The following VIRMA variants were observed in gnomAD, a reference collection of about 807,000 sequenced individuals.
VIRMA encodes the protein vir like m6A methyltransferase associated, also known as protein virilizer homolog.
A neutral mutation model predicts 182.4 loss-of-function variants in VIRMA; 65 were observed. The ratio of observed to expected loss-of-function variants is 0.36; its 90% CI spans 0.29 to 0.44. VIRMA has a LOEUF of 0.44. VIRMA is among the 20% of genes least tolerant of loss of function. The pLI is 1.00. For missense variants in VIRMA, 1,752 were observed against 2,158.1 expected (o/e 0.81, Z 3.73); for synonymous variants, 709 against 743.1 (o/e 0.95, Z 0.75).
At chr8:94,529,623 TTTTA>T (rs147098843) in intron 6 of VIRMA, among the ~76,000 whole-genome samples, 22,470 of 151,652 alleles carry the variant, frequency 0.15, 2,054 homozygotes, top group South Asian at 0.3. Context: ...TTTTATTTTA[TTTTA>T]TTTATTATTT....
At chr8:94,548,734 C>A (rs1815868051) in intron 1 of VIRMA, among the ~76,000 whole-genome samples, 1 of 152,160 alleles carries the variant, frequency 6.6e-6, no homozygotes, top group South Asian at 2.1e-4. Context: ...AGCCTCACTG[C>A]AAGTCCCACC....
At chr8:94,543,979 G>C (rs201884102) in intron 1 of VIRMA, 37 bp from the exon 2 acceptor site, 205 of 1,032,636 alleles carry the variant, frequency 2.0e-4, no homozygotes, top group Non-Finnish European at 3.0e-4. Context: ...GAGGGGTTCG[G>C]AACATTATGT....
At chr8:94,511,951 C>T in intron 12 of VIRMA, 45 bp downstream of exon 12, 1 of 1,090,442 alleles carries the variant, frequency 9.2e-7, no homozygotes, top group Non-Finnish European at 1.3e-6. Context: ...GATATTTATT[C>T]TAGGCTTAAG....
At chr8:94,500,039 T>G (rs1586067602) in intron 16 of VIRMA, among the ~76,000 whole-genome samples, 2 of 109,490 alleles carry the variant, frequency 1.8e-5, no homozygotes, top group Non-Finnish European at 3.5e-5. Context: ...AAGGACAGAG[T>G]GAGGCTTCAT....
chr8:94,519,319 CT>C lies in VIRMA; in HGVS notation c.2178del (p.Ala727GlnfsTer5). On this transcript the variant is annotated frameshift_variant, in exon 9 of 24. Coordinates refer to ENST00000297591, the MANE Select transcript of VIRMA (RefSeq NM_015496.5). LOFTEE classifies it high-confidence loss of function. ...KGLLFFMSEY[E>X]ATNLLIRALC... ...AGAGCTCGGATCAATAAATTTGTTGCTTCATATTCCGACATAAAAAAAAGAA... is the reference window on the plus strand; with the variant it reads ...AGAGCTCGGATCAATAAATTTGTTGCTCATATTCCGACATAAAAAAAAGAA... 1 of 1,611,446 alleles carries C rather than the reference CT, an allele frequency of 6.2e-7. No individual in the cohort carries two copies. The highest frequency in any genetic ancestry group is 8.5e-7 in the Non-Finnish European group (1 of 1,179,360).
At chr8:94,535,049 T>A (rs756480006) in intron 4 of VIRMA, 42 bp from the exon 5 acceptor site, 1 of 1,546,472 alleles carries the variant, frequency 6.5e-7, no homozygotes, top group Non-Finnish European at 8.7e-7. Context: ...CAAAGTCATG[T>A]TTTAAAATGC....
At chr8:94,533,019 A>G (rs1815223567) in intron 5 of VIRMA, among the ~76,000 whole-genome samples, 1 of 152,152 alleles carries the variant, frequency 6.6e-6, no homozygotes, top group South Asian at 2.1e-4. Context: ...AAACACATGT[A>G]TATATATGTG....
At chr8:94,547,249 T>C in intron 1 of VIRMA, among the ~76,000 whole-genome samples, 1 of 151,240 alleles carries the variant, frequency 6.6e-6, no homozygotes, top group South Asian at 2.1e-4. Flanking sequence ...TTAATGGTTA[T>C]TGAATTGTGT....
In VIRMA at chr8:94,534,972, A is replaced by T; in HGVS notation, c.351T>A (p.Tyr117Ter). The T allele has an allele frequency of 6.2e-7, 1 of 1,611,774 alleles. No individual in the cohort carries two copies. Among genetic ancestry groups the T allele is most frequent in the Non-Finnish European group, 8.5e-7 (1 of 1,179,480 alleles). ...NTDGLVLRGW[Y>*]NCLTLAIYGS... ...CATATATTGCCAGTGTCAGACAGTTATACCAGCCTCTTAGCACCAGACCAT... is the reference window on the plus strand; with the variant it reads ...CATATATTGCCAGTGTCAGACAGTTTTACCAGCCTCTTAGCACCAGACCAT... The change falls in exon 5 of 24, where the codon TAT (tyrosine) becomes TAA (stop). Residue 117 changes from tyrosine (Y) to a stop codon, truncating the protein, a stop_gained. Coordinates refer to ENST00000297591, the MANE Select transcript of VIRMA (RefSeq NM_015496.5). LOFTEE classifies it high-confidence loss of function.
chr8:94,543,445 A>AATG (rs1815646258), intron 2 of VIRMA, among the ~76,000 whole-genome samples: 1 of 150,302 alleles, frequency 6.7e-6, no homozygotes, highest in Non-Finnish European at 1.5e-5. Context: ...TAATAATAAT[A>AATG]ATAGTAAGAT....
In VIRMA at chr8:94,496,496, A is replaced by G. The variant is rs374750145; in HGVS notation, c.4231-16T>C. 363 of 1,597,146 alleles carry G rather than the reference A, an allele frequency of 2.3e-4. No individual in the cohort carries two copies. The African/African-American group carries it at 3.8e-3, about 17-fold the overall frequency. On this transcript the variant is annotated splice_polypyrimidine_tract_variant and intron_variant, in intron 17 of 23. Coordinates refer to ENST00000297591, the MANE Select transcript of VIRMA (RefSeq NM_015496.5). ...CACAGCATCCCTGTAAATGTCACACATAAGTTAAATTTGAGAACAGAGAAA... is the reference window on the plus strand; with the variant it reads ...CACAGCATCCCTGTAAATGTCACACGTAAGTTAAATTTGAGAACAGAGAAA...
In VIRMA at chr8:94,512,007, G is replaced by A. The variant is rs1203892687; in HGVS notation, c.2834C>T (p.Pro945Leu). ...AGTAGCCACATTACCTTCAACAGGA[G>A]GTGGTGGGCATGCAACATTACAGAG... Reference protein sequence around the residue: ...RVLCNVACPPPPVEGQQKDLK... With the variant: ...RVLCNVACPPLPVEGQQKDLK... Residue 945 changes from proline to leucine, a missense_variant, in exon 12 of 24, where the codon CCT becomes CTT. Physicochemically the swap from Pro to Leu is moderately conservative, Grantham distance 98. Coordinates refer to ENST00000297591, the MANE Select transcript of VIRMA (RefSeq NM_015496.5). The A allele has an allele frequency of 1.3e-6, 2 of 1,525,198 alleles. No homozygotes were observed. The highest frequency in any genetic ancestry group is 2.5e-5 in the East Asian group (1 of 39,778). The allele number at this position is 1,525,198 out of a possible 1,614,324, so 94.5% of individuals were successfully genotyped here.
chr8:94,509,469 TACGGAAAC>T (rs1814280532), intron 15 of VIRMA, among the ~76,000 whole-genome samples: 1 of 149,960 alleles, frequency 6.7e-6, no homozygotes, highest in Admixed American at 6.6e-5. Context: ...CCCTAAAAAA[TACGGAAAC>T]ACTGGCACAT....
At position 94,517,775 on chromosome 8, in the gene VIRMA, TTAAG is replaced by T. The variant is rs1390428369; in HGVS notation, c.2668+9_2668+12del. The T allele has an allele frequency of 4.5e-6, 7 of 1,565,452 alleles. No homozygotes were observed. The Admixed American group carries it at 7.4e-5, about 16-fold the overall frequency. The stretch of plus-strand genomic sequence containing the variant: ...CATATTACAAATGCTTAAAATAACT[TTAAG>T]TACCATACCTTGCAATTTAGCATTA... On this transcript the variant is annotated intron_variant, in intron 10 of 23. Transcript: ENST00000297591.
intron 6 of VIRMA, among the ~76,000 whole-genome samples, chr8:94,530,340 A>G (rs920425548): frequency 6.6e-6 from 1 of 151,952 alleles, no homozygotes; most frequent in African/African-American, 2.4e-5. Flanking sequence ...CTTCTTCTCT[A>G]TAAAAAATTA....
chr8:94,528,507 G>A (rs567824445), intron 7 of VIRMA, among the ~76,000 whole-genome samples: 194 of 152,230 alleles, frequency 1.3e-3, no homozygotes, highest in African/African-American at 4.1e-3. Flanking sequence ...CATTTCTTGG[G>A]CAAATTAAGA....
chr8:94,509,188 G>A (rs942336977), intron 15 of VIRMA, among the ~76,000 whole-genome samples: 3 of 152,106 alleles, frequency 2.0e-5, no homozygotes, highest in Admixed American at 6.5e-5. Context: ...ATCACCTGAG[G>A]TCAGGAGTTC....
At chr8:94,523,732 G>A (rs902087706) in intron 8 of VIRMA, among the ~76,000 whole-genome samples, 16 of 150,620 alleles carry the variant, frequency 1.1e-4, no homozygotes, top group Admixed American at 2.0e-4. Context: ...GGGTTCAAGC[G>A]ATTCTCCTGC....
intron 1 of VIRMA, among the ~76,000 whole-genome samples, chr8:94,551,437 T>C (rs993308732): frequency 2.6e-5 from 4 of 152,168 alleles, no homozygotes; most frequent in Admixed American, 6.5e-5. Flanking sequence ...GAATCTAATC[T>C]CCAATACTGA....
Sources: allele counts gnomAD v4.1 joint callset (sites outside exome capture counted in the v4.1 genomes callset), GRCh38; gene constraint gnomAD v4.1.1; transcripts MANE v1.5; gene names NCBI Gene and HGNC (gene_info 2026-07-23, HGNC 2026-07-21).